The following WWC2 variants were observed in gnomAD, a reference collection of about 807,000 sequenced individuals.
WWC2 encodes the protein WW and C2 domain containing 2.
WWC2 carries 101 observed loss-of-function variants against 138.5 expected under a neutral mutation model. The ratio of observed to expected loss-of-function variants is 0.73; its 90% CI spans 0.62 to 0.86. The LOEUF is 0.86. Among genes scored for constraint, WWC2 ranks in the 40% least tolerant of loss-of-function variants. The pLI is 0.00. For missense variants in WWC2, 1,420 were observed against 1,419.4 expected, an observed-to-expected ratio of 1.00 and a Z score of -0.01; for synonymous variants, 558 against 538.4, an observed-to-expected ratio of 1.04 and a Z score of -0.50.
At chr4:183,238,461 T>C (rs1736499958) in intron 4 of WWC2, among the ~76,000 whole-genome samples, 1 of 152,028 alleles carries the variant, frequency 6.6e-6, no homozygotes, top group Non-Finnish European at 1.5e-5. Context: ...ATCTCCTTGA[T>C]TCTCGTTGTT....
chr4:183,278,404 G>A (rs557260498), intron 16 of WWC2, among the ~76,000 whole-genome samples: 1 of 152,250 alleles, frequency 6.6e-6, no homozygotes, highest in East Asian at 1.9e-4. Flanking sequence ...TTTGAAGTCA[G>A]GTAGTGTGAT....
intron 1 of WWC2, among the ~76,000 whole-genome samples, chr4:183,141,892 A>G (rs1733311314): frequency 6.6e-6 from 1 of 152,242 alleles, no homozygotes. Context: ...CATGAATACT[A>G]CAGCAAAAAG....
At chr4:183,256,741 A>C (rs1461131581) in intron 9 of WWC2, among the ~76,000 whole-genome samples, 1 of 152,116 alleles carries the variant, frequency 6.6e-6, no homozygotes, top group African/African-American at 2.4e-5. Flanking sequence ...CGTATTCCCC[A>C]ACATATTCCT....
rs140993601 is a variant in WWC2 at position 183,166,147 on chromosome 4, C to T, written c.132-27452C>T. 6.7e-3 allele frequency among the ~76,000 whole-genome samples: 1,013 copies of T among 152,196 alleles called. 17 individuals carry two copies. Among genetic ancestry groups the T allele is most frequent in the African/African-American group, 0.023 (954 of 41,526 alleles). The stretch of plus-strand genomic sequence containing the variant: ...TTTTTTCTCTCATTTATGTTACTCC[C>T]TCCCCCAGATATAGCCAGGTTTATC... On this transcript the variant is annotated intron_variant, in intron 1 of 22. Transcript: ENST00000403733.
chr4:183,199,617 G>A (rs1735247780), intron 2 of WWC2, among the ~76,000 whole-genome samples: 1 of 152,240 alleles, frequency 6.6e-6, no homozygotes, highest in Non-Finnish European at 1.5e-5. Context: ...AGGAAGATAA[G>A]GAAAGTTACT....
chr4:183,200,127 T>C (rs1367210925), intron 2 of WWC2, among the ~76,000 whole-genome samples: 1 of 152,240 alleles, frequency 6.6e-6, no homozygotes, highest in Non-Finnish European at 1.5e-5. Context: ...TCTTGTAATA[T>C]GCGGTGTTTA....
chr4:183,167,781 A>G (rs1734165630), intron 1 of WWC2, among the ~76,000 whole-genome samples: 1 of 151,932 alleles, frequency 6.6e-6, no homozygotes, highest in Non-Finnish European at 1.5e-5. Context: ...TTGGGAGGTG[A>G]GTTGAGGTCA....
rs78062278 is a variant in WWC2 at position 183,121,159 on chromosome 4, C to T, written c.131+21537C>T. ...GGCTGCAGTAAGCTGTGATGGTGATCCTACCACTGCACTCCATCCTGGGCA... is the reference window on the plus strand; with the variant it reads ...GGCTGCAGTAAGCTGTGATGGTGATTCTACCACTGCACTCCATCCTGGGCA... On this transcript the variant is annotated intron_variant, in intron 1 of 22. Transcript: ENST00000403733. 6.7e-3 allele frequency among the ~76,000 whole-genome samples: 1,015 copies of T among 151,722 alleles called. 8 individuals carry two copies. The highest frequency in any genetic ancestry group is 0.024 in the African/African-American group (980 of 41,362).
At chr4:183,218,454 C>G (rs556456052) in intron 4 of WWC2, among the ~76,000 whole-genome samples, 2 of 151,966 alleles carry the variant, frequency 1.3e-5, no homozygotes, top group Non-Finnish European at 2.9e-5. Context: ...TGGAATTGTT[C>G]GATCACAAGG....
Position 183,245,486 on chromosome 4 carries a change from C to G in WWC2, c.673C>G (p.Leu225Val), listed in dbSNP as rs901894909. ...LSEAKAILTELKSIRKAISSG... is the reference protein window; with the variant it reads ...LSEAKAILTEVKSIRKAISSG... Reference sequence around the variant, plus strand: ...TGAAGCCAAAGCCATTCTAACAGAACTAAAATCTATCAGAAAGGCAATTAG... The same window carrying G: ...TGAAGCCAAAGCCATTCTAACAGAAGTAAAATCTATCAGAAAGGCAATTAG... Residue 225 changes from leucine to valine, a missense_variant, in exon 6 of 23, where the codon CTA (leucine) becomes GTA (valine). Transcript: ENST00000403733. The G allele has an allele frequency of 1.9e-6, 3 of 1,608,116 alleles. No individual in the cohort carries two copies. The African/African-American group carries it at 4.0e-5, about 22-fold the overall frequency.
intron 4 of WWC2, among the ~76,000 whole-genome samples, chr4:183,238,452 TCTC>T (rs1296165362): frequency 2.0e-5 from 3 of 152,116 alleles, no homozygotes; most frequent in Non-Finnish European, 2.9e-5. Context: ...CTTGCTTTAA[TCTC>T]CTTGATTCTC....
At chr4:183,235,522 G>C (rs994444532) in intron 4 of WWC2, among the ~76,000 whole-genome samples, 1 of 152,044 alleles carries the variant, frequency 6.6e-6, no homozygotes, top group African/African-American at 2.4e-5. Context: ...TCAGCACCTG[G>C]CAACCACCAT....
rs1735489195 is a variant in WWC2 at position 183,207,964 on chromosome 4, A to G, written c.253A>G (p.Ile85Val). 1.9e-6 allele frequency: 3 copies of G among 1,608,896 alleles called. No individual in the cohort carries two copies. Among genetic ancestry groups the G allele is most frequent in the Non-Finnish European group, 2.5e-6 (3 of 1,177,472 alleles). ...YIDHINKTTQ[I>V]EDPRKQWRGE... Reference sequence around the variant, plus strand: ...CCTAATGTTTTCAGAAACCACGCAGATAGAAGATCCAAGAAAACAATGGAG... The same window carrying G: ...CCTAATGTTTTCAGAAACCACGCAGGTAGAAGATCCAAGAAAACAATGGAG... Residue 85 changes from isoleucine (I) to valine (V), a missense_variant, in exon 3 of 23, where the codon ATA (isoleucine) becomes GTA (valine). Physicochemically the swap from Ile to Val is conservative, Grantham distance 29 (BLOSUM62 3). Coordinates refer to ENST00000403733, the MANE Select transcript of WWC2 (RefSeq NM_024949.6).
intron 21 of WWC2, among the ~76,000 whole-genome samples, chr4:183,289,880 G>A (rs1248775616): frequency 1.3e-5 from 2 of 150,370 alleles, no homozygotes; most frequent in East Asian, 1.9e-4. Context: ...GGCCAGTAGG[G>A]TGAGGGCGTG....
chr4:183,213,934 A>C (rs1735677661), intron 4 of WWC2, among the ~76,000 whole-genome samples: 1 of 152,142 alleles, frequency 6.6e-6, no homozygotes, highest in Non-Finnish European at 1.5e-5. Context: ...TTAAAAAAAA[A>C]AAAACACAAT....
At chr4:183,170,414 C>G (rs1214900867) in intron 1 of WWC2, among the ~76,000 whole-genome samples, 1 of 152,188 alleles carries the variant, frequency 6.6e-6, no homozygotes, top group Non-Finnish European at 1.5e-5. Context: ...CTTTCCAGCT[C>G]TCAAGTTCTG....
At chr4:183,191,684 A>G (rs916545331) in intron 1 of WWC2, among the ~76,000 whole-genome samples, 4 of 152,028 alleles carry the variant, frequency 2.6e-5, no homozygotes, top group Non-Finnish European at 5.9e-5. Context: ...TGATTCTACA[A>G]TAGGGCTCAA....
chr4:183,226,095 CTTTTTT>C (rs11321151), intron 4 of WWC2, among the ~76,000 whole-genome samples: 1 of 113,532 alleles, frequency 8.8e-6, no homozygotes, highest in Non-Finnish European at 1.7e-5. Flanking sequence ...CTTTTCTTTT[CTTTTTT>C]TTTTTTTTTT....
chr4:183,303,163 C>G (rs371808308), intron 21 of WWC2, among the ~76,000 whole-genome samples: 21 of 152,218 alleles, frequency 1.4e-4, no homozygotes, highest in African/African-American at 5.1e-4. Flanking sequence ...AACCACTCCC[C>G]CTCATTAAAT....
Sources: allele counts gnomAD v4.1 joint callset (sites outside exome capture counted in the v4.1 genomes callset), GRCh38; gene constraint gnomAD v4.1.1; transcripts MANE v1.5; gene names NCBI Gene and HGNC (gene_info 2026-07-23, HGNC 2026-07-21).